AGTPBP1: variants seen among roughly 807,000 people sequenced by gnomAD.
AGTPBP1 encodes cytosolic carboxypeptidase 1.
Under a neutral mutation model 143.9 loss-of-function variants are expected in AGTPBP1, and 70 were observed. The observed-to-expected ratio is 0.49, with a 90% CI of 0.40 to 0.59. The LOEUF (loss-of-function observed/expected upper bound fraction) is 0.59. Ranked by LOEUF, AGTPBP1 falls within the 20% of genes least tolerant of loss-of-function variation. The pLI, the probability that AGTPBP1 is intolerant of heterozygous loss-of-function variation, is 0.00. For missense variants in AGTPBP1, 1,229 were observed against 1,464.5 expected (o/e 0.84, Z 2.62); for synonymous variants, 463 against 500.2 (o/e 0.93, Z 0.99).
the AGTPBP1 span, among the ~76,000 whole-genome samples, chr9:85,763,189 A>T: frequency 2.0e-5 from 3 of 152,094 alleles, no homozygotes; most frequent in Non-Finnish European, 2.9e-5. Flanking sequence ...AACAAACAAA[A>T]AAAAACCCTC....
chr9:85,801,991 T>G, the AGTPBP1 span, among the ~76,000 whole-genome samples: 1 of 152,194 alleles, frequency 6.6e-6, no homozygotes, highest in African/African-American at 2.4e-5. Flanking sequence ...GGATGTTCAC[T>G]TCAAAATCCT....
At chr9:85,755,862 G>A in the AGTPBP1 span, among the ~76,000 whole-genome samples, 98 of 152,148 alleles carry the variant, frequency 6.4e-4, no homozygotes, top group African/African-American at 2.1e-3. Flanking sequence ...ATATCTGGGG[G>A]GTAAATTTTA....
upstream of AGTPBP1, among the ~76,000 whole-genome samples, chr9:85,743,283 G>A (rs1824491392): frequency 6.6e-6 from 1 of 152,170 alleles, no homozygotes; most frequent in Admixed American, 6.5e-5. Flanking sequence ...ATATTATGTG[G>A]ATGTGTGTGT....
intron 17 of AGTPBP1, among the ~76,000 whole-genome samples, chr9:85,604,410 G>C (rs1469463137): frequency 6.6e-6 from 1 of 152,186 alleles, no homozygotes; most frequent in Non-Finnish European, 1.5e-5. Context: ...GTGTTACCAG[G>C]CTTGGGTCCC....
intron 23 of AGTPBP1, among the ~76,000 whole-genome samples, chr9:85,582,911 T>C (rs1240996434): frequency 6.6e-6 from 1 of 152,084 alleles, no homozygotes; most frequent in African/African-American, 2.4e-5. Flanking sequence ...TTACTTTACA[T>C]GGCAAAAGGG....
chr9:85,760,247 G>A, the AGTPBP1 span, among the ~76,000 whole-genome samples: 3 of 152,022 alleles, frequency 2.0e-5, no homozygotes, highest in African/African-American at 7.2e-5. Context: ...GAAAAAGAGG[G>A]AATCCTCCCT....
chr9:85,727,854 CAAAAAAAT>C (rs928776923), intron 1 of AGTPBP1, among the ~76,000 whole-genome samples: 5 of 151,568 alleles, frequency 3.3e-5, no homozygotes, highest in African/African-American at 1.2e-4. Context: ...TCCATCTCTA[CAAAAAAAT>C]AAAAAAATTA....
chr9:85,609,097 CATGGAGTGT>C, intron 17 of AGTPBP1, among the ~76,000 whole-genome samples: 1 of 152,070 alleles, frequency 6.6e-6, no homozygotes, highest in Non-Finnish European at 1.5e-5. Flanking sequence ...AGTATAATCT[CATGGAGTGT>C]ATGTGTGTTT....
rs778544521 is a variant in AGTPBP1 at position 85,646,393 on chromosome 9, A to G, written c.1113T>C (p.Asp371=). 3 of 1,613,058 alleles carry G rather than the reference A, an allele frequency of 1.9e-6. No homozygotes were observed. The highest frequency in any genetic ancestry group is 2.5e-6 in the Non-Finnish European group (3 of 1,179,748). The change falls in exon 12 of 26, where the codon GAT becomes GAC. Residue 371 remains aspartate (D), a synonymous_variant. Transcript: ENST00000357081. The part of the protein sequence containing the change: ...PEVDDVVDES[D]DNDDIDVEAE... ...CTTCTACATCAATATCATCGTTGTC[A>G]TCACTTTCATCTACTACGTCATCCA...
chr9:85,721,983 T>C (rs1321437327), intron 1 of AGTPBP1, among the ~76,000 whole-genome samples: 4 of 152,232 alleles, frequency 2.6e-5, no homozygotes, highest in Non-Finnish European at 5.9e-5. Context: ...TCTTTAAGAA[T>C]GTTGAATATT....
chr9:85,740,704 A>T (rs976303558), intron 1 of AGTPBP1, among the ~76,000 whole-genome samples: 1 of 152,256 alleles, frequency 6.6e-6, no homozygotes, highest in Admixed American at 6.5e-5. Context: ...CATAAAAGGT[A>T]AGTGAAAATG....
intron 17 of AGTPBP1, among the ~76,000 whole-genome samples, chr9:85,599,340 T>C (rs561042564): frequency 3.0e-4 from 45 of 152,222 alleles, no homozygotes; most frequent in Non-Finnish European, 6.0e-4. Context: ...ATTCTCTCCA[T>C]CTTATTTTCT....
intron 2 of AGTPBP1, among the ~76,000 whole-genome samples, chr9:85,709,017 A>C (rs1415607470): frequency 6.6e-6 from 1 of 152,208 alleles, no homozygotes; most frequent in Non-Finnish European, 1.5e-5. Flanking sequence ...TAATACCAAA[A>C]CCAGATAAAA....
At chr9:85,796,252 G>A in the AGTPBP1 span, among the ~76,000 whole-genome samples, 1 of 152,196 alleles carries the variant, frequency 6.6e-6, no homozygotes, top group Non-Finnish European at 1.5e-5. Context: ...TAGTTTTGGA[G>A]AGAGTGATAG....
intron 25 of AGTPBP1, among the ~76,000 whole-genome samples, chr9:85,568,823 T>C (rs1223228120): frequency 1.3e-5 from 2 of 152,142 alleles, no homozygotes; most frequent in East Asian, 1.9e-4. Flanking sequence ...GAATAAGACA[T>C]GAGCATCTGG....
At chr9:85,570,356 G>C (rs1209635324) in intron 25 of AGTPBP1, among the ~76,000 whole-genome samples, 1 of 152,196 alleles carries the variant, frequency 6.6e-6, no homozygotes, top group Non-Finnish European at 1.5e-5. Context: ...GTGAAGCCAA[G>C]GATAAGGAGG....
chr9:85,696,317 T>G (rs1291121290), intron 2 of AGTPBP1, among the ~76,000 whole-genome samples: 2 of 152,188 alleles, frequency 1.3e-5, no homozygotes, highest in East Asian at 3.8e-4. Flanking sequence ...TTAAAGAATT[T>G]TCTCATAAAA....
upstream of AGTPBP1, chr9:85,742,010 C>T (rs1824349096): frequency 3.3e-6 from 4 of 1,205,360 alleles, no homozygotes; most frequent in Non-Finnish European, 4.1e-6. Flanking sequence ...GCCTTGCCAG[C>T]CGGCTCCCAG....
intron 25 of AGTPBP1, among the ~76,000 whole-genome samples, chr9:85,550,500 G>A (rs1231888184): frequency 2.6e-5 from 4 of 152,054 alleles, no homozygotes; most frequent in Non-Finnish European, 5.9e-5. Flanking sequence ...CCTAGGCACT[G>A]TATTTATAAA....
Sources: gnomAD v4.1 joint callset for allele counts (sites outside exome capture counted in the v4.1 genomes callset) on GRCh38, gnomAD v4.1.1 for gene constraint, MANE v1.5 for transcripts, NCBI Gene and HGNC (gene_info 2026-07-23, HGNC 2026-07-21) for gene names.